DNM3: variants seen among roughly 807,000 people sequenced by gnomAD.
DNM3 encodes dynamin 3, also known as dynamin-3.
DNM3 carries 47 observed loss-of-function variants against 101.6 expected under a neutral mutation model. The ratio of observed to expected loss-of-function variants is 0.46; its 90% CI spans 0.37 to 0.59. The LOEUF is 0.59. Ranked by LOEUF, DNM3 falls within the 20% of genes least tolerant of loss-of-function variation. The pLI is 0.00. For synonymous variants in DNM3, 385 were observed against 387.9 expected (o/e 0.99, Z 0.09); for missense variants, 849 against 1,085.7 (o/e 0.78, Z 3.06).
chr1:171,943,289 A>G (rs961818521), intron 2 of DNM3, among the ~76,000 whole-genome samples: 1 of 152,170 alleles, frequency 6.6e-6, no homozygotes, highest in African/African-American at 2.4e-5. Flanking sequence ...CCATTTGAAT[A>G]GACCCCTCTT....
chr1:172,052,939 G>A (rs1360089013), intron 10 of DNM3, among the ~76,000 whole-genome samples: 1 of 151,976 alleles, frequency 6.6e-6, no homozygotes, highest in Non-Finnish European at 1.5e-5. Flanking sequence ...CTTACTTAAG[G>A]CCCTGAACAT....
chr1:172,334,307 CA>C (rs1210099445), intron 17 of DNM3, among the ~76,000 whole-genome samples: 9 of 152,046 alleles, frequency 5.9e-5, no homozygotes, highest in Non-Finnish European at 1.3e-4. Flanking sequence ...GATTCTCAAC[CA>C]GGGGTGATTT....
chr1:171,926,605 C>A (rs1336489829), intron 2 of DNM3, among the ~76,000 whole-genome samples: 3 of 152,166 alleles, frequency 2.0e-5, no homozygotes, highest in Admixed American at 6.5e-5. Context: ...ATAGCATACT[C>A]TCTTAATTAC....
Position 172,041,954 on chromosome 1 carries a change from A to T in DNM3, c.993-55A>T, listed in dbSNP as rs1006641495. The T allele has an allele frequency of 6.3e-5, 94 of 1,498,544 alleles. 1 individual carries two copies. In the South Asian group the frequency reaches 1.2e-3, roughly 19 times the overall value. 92.8% of individuals were successfully genotyped at this position (1,498,544 alleles called of 1,614,324 possible). On this transcript the variant is annotated intron_variant, in intron 7 of 20. Coordinates refer to ENST00000627582, the MANE Select transcript of DNM3 (RefSeq NM_015569.5). ...GAATAATCATAGGAAAAGAAAATGA[A>T]GAGTGCAAAGGCTTGTAACTTTGAC...
chr1:172,090,453 A>T (rs1170940167), intron 12 of DNM3, among the ~76,000 whole-genome samples: 1 of 152,206 alleles, frequency 6.6e-6, no homozygotes, highest in African/African-American at 2.4e-5. Flanking sequence ...CCTCTTTCAC[A>T]GCCTCACCTA....
chr1:172,031,026 A>G (rs948757866), intron 4 of DNM3, among the ~76,000 whole-genome samples: 10 of 152,190 alleles, frequency 6.6e-5, no homozygotes, highest in Admixed American at 6.5e-4. Flanking sequence ...CAGAAATACC[A>G]TTTGATCTAG....
chr1:172,358,583 TC>T (rs1419832101), intron 17 of DNM3, among the ~76,000 whole-genome samples: 1 of 151,876 alleles, frequency 6.6e-6, no homozygotes, highest in African/African-American at 2.4e-5. Flanking sequence ...GTCAGCTCCC[TC>T]CCCCACCAGA....
At chr1:172,228,191 A>T (rs1293328813) in intron 14 of DNM3, among the ~76,000 whole-genome samples, 2 of 151,772 alleles carry the variant, frequency 1.3e-5, no homozygotes, top group Non-Finnish European at 2.9e-5. Flanking sequence ...TTCAGGTTTT[A>T]TGCCAAATGT....
Position 172,101,724 on chromosome 1 carries a change from TA to T in DNM3, c.1545+8851del, listed in dbSNP as rs1335482928. 2.0e-5 allele frequency among the ~76,000 whole-genome samples: 3 copies of T among 152,322 alleles called. No individual in the cohort carries two copies. In the East Asian group the frequency reaches 5.8e-4, roughly 29 times the overall value. On this transcript the variant is annotated intron_variant, in intron 13 of 20. Transcript: ENST00000627582. ...AATGATAGCACCAGGATTCAAATCT[TA>T]ATCACCATGTTTAACCACAGTTCTA...
chr1:172,159,276 C>T (rs1175364834), intron 14 of DNM3, among the ~76,000 whole-genome samples: 3 of 151,964 alleles, frequency 2.0e-5, no homozygotes, highest in Non-Finnish European at 1.5e-5. Flanking sequence ...AGACTTTTGT[C>T]TTCTTTGCCT....
chr1:171,952,417 T>C (rs1273427753), intron 2 of DNM3, among the ~76,000 whole-genome samples: 1 of 152,164 alleles, frequency 6.6e-6, no homozygotes, highest in Non-Finnish European at 1.5e-5. Context: ...AAAGAGTTTG[T>C]TTTTTCGGTC....
intron 14 of DNM3, among the ~76,000 whole-genome samples, chr1:172,168,781 T>C (rs2058844437): frequency 1.3e-5 from 2 of 151,952 alleles, no homozygotes; most frequent in African/African-American, 4.8e-5. Flanking sequence ...TCTTATTGCC[T>C]ATAGAGTCCT....
intron 17 of DNM3, among the ~76,000 whole-genome samples, chr1:172,353,309 C>T (rs2067279506): frequency 6.6e-6 from 1 of 152,162 alleles, no homozygotes; most frequent in South Asian, 2.1e-4. Flanking sequence ...AATTTGTCAT[C>T]TTTCTTCACA....
In DNM3 at chr1:172,239,800, C is replaced by CTT. The variant is rs71107343; in HGVS notation, c.1660-13754_1660-13753dup. Among the ~76,000 whole-genome samples, 11 of 108,376 alleles carry CTT rather than the reference C, an allele frequency of 1.0e-4. 1 individual carries two copies. Among genetic ancestry groups the CTT allele is most frequent in the African/African-American group, 1.9e-4 (5 of 26,120 alleles). 71.1% of individuals were successfully genotyped at this position (108,376 alleles called of 152,430 possible). ...TCTCCAGCCCTGTCTTTTTTTTTCTCTTTTTTTTTTTTTTTTTTTTGTAGT... is the reference window on the plus strand; with the variant it reads ...TCTCCAGCCCTGTCTTTTTTTTTCTCTTTTTTTTTTTTTTTTTTTTTTGTAGT... On this transcript the variant is annotated intron_variant, in intron 14 of 20. Coordinates refer to ENST00000627582, the MANE Select transcript of DNM3 (RefSeq NM_015569.5).
intron 1 of DNM3, among the ~76,000 whole-genome samples, chr1:171,875,651 G>A (rs2035694005): frequency 6.6e-6 from 1 of 152,094 alleles, no homozygotes; most frequent in East Asian, 1.9e-4. Context: ...TAGCCTTCTA[G>A]GCTTTACTTT....
rs749047166 is a variant in DNM3 at position 172,010,613 on chromosome 1, A to ATTT, written c.589+21486_589+21488dup. Among the ~76,000 whole-genome samples the ATTT allele has an allele frequency of 4.4e-4, 21 of 47,198 alleles. 1 individual carries two copies. Among genetic ancestry groups the ATTT allele is most frequent in the African/African-American group, 7.1e-4 (9 of 12,630 alleles). 31.0% of individuals were successfully genotyped at this position (47,198 alleles called of 152,430 possible). ...TTTTTCCCTCTCTGCTATTATGGCT[A>ATTT]TTTTTTTTTTTTTTTTTTTTTTTGG... On this transcript the variant is annotated intron_variant, in intron 4 of 20. Transcript: ENST00000627582.
At chr1:171,848,408 G>A (rs929591757) in intron 1 of DNM3, among the ~76,000 whole-genome samples, 3 of 152,094 alleles carry the variant, frequency 2.0e-5, no homozygotes, top group Non-Finnish European at 2.9e-5. Flanking sequence ...TGAGTAAAGC[G>A]TGACTTTTAG....
At chr1:171,911,818 G>C (rs1055941363) in intron 1 of DNM3, among the ~76,000 whole-genome samples, 2 of 152,064 alleles carry the variant, frequency 1.3e-5, no homozygotes, top group African/African-American at 4.8e-5. Context: ...TTCTCTTGCT[G>C]TTGCTTCTTC....
At chr1:172,378,984 G>T in intron 17 of DNM3, 34 bp from the exon 18 acceptor site, 1 of 1,596,348 alleles carries the variant, frequency 6.3e-7, no homozygotes, top group South Asian at 1.1e-5. Context: ...GAGTGAATAT[G>T]AGATAATCCA....
Sources: allele counts gnomAD v4.1 joint callset (sites outside exome capture counted in the v4.1 genomes callset), GRCh38; gene constraint gnomAD v4.1.1; transcripts MANE v1.5; gene names NCBI Gene and HGNC (gene_info 2026-07-23, HGNC 2026-07-21).